The following PCDHGA4 variants were observed in gnomAD, a reference collection of about 807,000 sequenced individuals.
PCDHGA4 encodes protocadherin gamma subfamily A, 4.
In PCDHGA4, 38 loss-of-function variants were observed where a neutral mutation model predicts 54.6. The ratio of observed to expected loss-of-function variants is 0.70; its 90% confidence interval spans 0.54 to 0.91. The LOEUF is 0.91. Among genes scored for constraint, PCDHGA4 ranks in the 40% least tolerant of loss-of-function variants. The pLI is 0.00. For missense variants in PCDHGA4, 1,298 were observed against 1,220.9 expected (o/e 1.06, Z -0.94); for synonymous variants, 511 against 512.9 (o/e 1.00, Z 0.05).
chr5:141,380,851 A>G (rs1341551183), intron 1 of PCDHGA4, among the ~76,000 whole-genome samples: 1 of 152,282 alleles, frequency 6.6e-6, no homozygotes, highest in Admixed American at 6.5e-5. Flanking sequence ...ATGGATCAAG[A>G]CATTGAGAGC....
At chr5:141,395,498 C>T (rs1055094075) in intron 1 of PCDHGA4, 1 of 484,580 alleles carries the variant, frequency 2.1e-6, no homozygotes, top group Non-Finnish European at 3.6e-6. Context: ...CACTCATTCA[C>T]TTAAGAAGTA....
intron 2 of PCDHGA4, among the ~76,000 whole-genome samples, chr5:141,499,384 A>G (rs2099791576): frequency 6.6e-6 from 1 of 152,200 alleles, no homozygotes. Context: ...TTTTCCACTT[A>G]TAAAATAGTA....
At position 141,355,236 on chromosome 5, in the gene PCDHGA4, G is replaced by A. The variant is rs758078780; in HGVS notation, c.129G>A (p.Arg43=). 4.3e-6 allele frequency: 7 copies of A among 1,612,186 alleles called. No homozygotes were observed. Among genetic ancestry groups the A allele is most frequent in the African/African-American group, 2.7e-5 (2 of 74,898 alleles). The change falls in exon 1 of 4, where the codon CGG becomes CGA. Residue 43 remains arginine (R), a synonymous_variant. Transcript: ENST00000571252. ...CTCCTGCTCGCCCAGACCACACCCG[G>A]CTGCTCCAGATCTGCCTTCTCCTGG... ...AAPPARPDHT[R]LLQICLLLGV... is the part of the protein sequence containing the mutation.
chr5:141,511,537 A>G lies in PCDHGA4; in HGVS notation c.*364A>G. 2 of 319,256 alleles carry G rather than the reference A, an allele frequency of 6.3e-6. No individual in the cohort carries two copies. Among genetic ancestry groups the G allele is most frequent in the South Asian group, 3.3e-5 (1 of 29,854 alleles). 19.8% of individuals were successfully genotyped at this position (319,256 alleles called of 1,614,324 possible). A position where few individuals can be genotyped will look rare whatever the true frequency, so the allele number is the denominator to read the frequency against. On this transcript the variant is annotated 3_prime_UTR_variant, in exon 4 of 4. Coordinates refer to ENST00000571252, the MANE Select transcript of PCDHGA4 (RefSeq NM_018917.4). ...TCCATCCCATGCCTCCCTCCTCCCC[A>G]CCCCACTCCAACAGTTCCTCTTTCC... is the stretch of plus-strand genomic sequence containing the variant.
At chr5:141,369,894 T>C (rs1766545420) in intron 1 of PCDHGA4, among the ~76,000 whole-genome samples, 1 of 152,332 alleles carries the variant, frequency 6.6e-6, no homozygotes, top group African/African-American at 2.4e-5. Flanking sequence ...GATATTATTA[T>C]GACCATTTTA....
Position 141,476,659 on chromosome 5 carries a change from G to C in PCDHGA4, c.2515-18148G>C. On this transcript the variant is annotated intron_variant, in intron 1 of 3. Transcript: ENST00000571252. This position sits in a 1 kb window ranked among gnomAD's most constrained non-coding sequence, Gnocchi z 7.6. ...AGCTGAGCCGAAATGAATACTTTGCGCTTCGCGTGCAGACGCGGGAGGACA... is the reference window on the plus strand; with the variant it reads ...AGCTGAGCCGAAATGAATACTTTGCCCTTCGCGTGCAGACGCGGGAGGACA... 1 of 1,614,252 alleles carries C rather than the reference G, an allele frequency of 6.2e-7. No individual in the cohort carries two copies. The highest frequency in any genetic ancestry group is 8.5e-7 in the Non-Finnish European group (1 of 1,180,048).
chr5:141,468,443 G>A (rs760789357), intron 1 of PCDHGA4: 6 of 152,124 alleles, frequency 3.9e-5, no homozygotes, highest in Non-Finnish European at 8.8e-5. Context: ...AAATGTGGGT[G>A]CAAAATTAAA....
rs2099883850 is a variant in PCDHGA4, at chr5:141,511,565, A to T, written c.*392A>T. The T allele has an allele frequency of 3.4e-6, 1 of 295,974 alleles. No homozygotes were observed. Among genetic ancestry groups the T allele is most frequent in the African/African-American group, 2.2e-5 (1 of 46,502 alleles). The allele number at this position is 295,974 out of a possible 1,614,324, so 18.3% of individuals were successfully genotyped here. The stretch of plus-strand genomic sequence containing the variant: ...CCACTCCAACAGTTCCTCTTTCCCG[A>T]GTAAGGTGGTTGGGGTGTTGAAGTA... On this transcript the variant is annotated 3_prime_UTR_variant, in exon 4 of 4. Coordinates refer to ENST00000571252, the MANE Select transcript of PCDHGA4 (RefSeq NM_018917.4).
chr5:141,400,863 T>G (rs370697957), intron 1 of PCDHGA4, among the ~76,000 whole-genome samples: 1 of 152,250 alleles, frequency 6.6e-6, no homozygotes. Context: ...TGTATGTAGA[T>G]AAACCATTAA....
chr5:141,433,642 C>A (rs1457700205), intron 1 of PCDHGA4, among the ~76,000 whole-genome samples: 2 of 152,170 alleles, frequency 1.3e-5, no homozygotes, highest in South Asian at 2.1e-4. Context: ...TTGAGACCAG[C>A]CTGACCAACA....
intron 1 of PCDHGA4, chr5:141,365,822 G>T: frequency 6.2e-7 from 1 of 1,613,908 alleles, no homozygotes; most frequent in Non-Finnish European, 8.5e-7. Flanking sequence ...CACATTTCAG[G>T]GGGCGCCCTT....
rs758417744 is a variant in PCDHGA4, at chr5:141,430,916, G to A, written c.2515-63891G>A. On this transcript the variant is annotated intron_variant, in intron 1 of 3. Coordinates refer to ENST00000571252, the MANE Select transcript of PCDHGA4 (RefSeq NM_018917.4). ...GGTGGGCGACATCTCCAGGGACCTG[G>A]GGCTGGAGCCCCGGGAGCTCGCGGA... The A allele has an allele frequency of 1.9e-6, 3 of 1,607,878 alleles. No individual in the cohort carries two copies. The East Asian group carries it at 6.7e-5, about 36-fold the overall frequency.
At chr5:141,427,006 G>C (rs1288837425) in intron 1 of PCDHGA4, 3 of 456,792 alleles carry the variant, frequency 6.6e-6, no homozygotes, top group South Asian at 3.1e-5. Flanking sequence ...CCAGTTTTTA[G>C]CCAGGATGTA....
At chr5:141,361,454 T>G (rs780424534) in intron 1 of PCDHGA4, 1 of 1,614,026 alleles carries the variant, frequency 6.2e-7, no homozygotes, top group Non-Finnish European at 8.5e-7. Context: ...ATTGTCACCC[T>G]GCACATCTCC....
intron 1 of PCDHGA4, among the ~76,000 whole-genome samples, chr5:141,468,914 G>A (rs563780068): frequency 2.6e-5 from 4 of 151,700 alleles, no homozygotes; most frequent in Admixed American, 2.6e-4. Context: ...CAGACTAGAA[G>A]AGAATAGCAC....
At chr5:141,409,920 C>G in intron 1 of PCDHGA4, 1 of 1,613,400 alleles carries the variant, frequency 6.2e-7, no homozygotes, top group Non-Finnish European at 8.5e-7. Flanking sequence ...GACGGCTCCG[C>G]GTTCTTCGAT....
Position 141,476,441 on chromosome 5 carries a change from GAGTTGGT to G in PCDHGA4, c.2515-18362_2515-18356del. 3 of 1,614,160 alleles carry G rather than the reference GAGTTGGT, an allele frequency of 1.9e-6. No homozygotes were observed. The South Asian group carries it at 3.3e-5, about 18-fold the overall frequency. ...ACTGCCCTCTTGCACTGTAACTCTG[GAGTTGGT>G]AGTGGAGAACCCGCTGGAGCTGTTC... On this transcript the variant is annotated intron_variant, in intron 1 of 3. Transcript: ENST00000571252. The surrounding 1 kb of genome is among the most constrained non-coding windows in gnomAD (Gnocchi z 7.6).
intron 1 of PCDHGA4, among the ~76,000 whole-genome samples, chr5:141,402,432 TA>T (rs1325787840): frequency 6.6e-6 from 1 of 152,042 alleles, no homozygotes; most frequent in Non-Finnish European, 1.5e-5. Flanking sequence ...TGAAGCATCA[TA>T]AAAAGGAAAT....
chr5:141,434,981 T>C (rs2097734526), intron 1 of PCDHGA4, among the ~76,000 whole-genome samples: 1 of 152,054 alleles, frequency 6.6e-6, no homozygotes. Flanking sequence ...GTTAATACTC[T>C]ATATCATTTT....
Sources: gnomAD v4.1 joint callset for allele counts (sites outside exome capture counted in the v4.1 genomes callset) on GRCh38, gnomAD v4.1.1 for gene constraint, Gnocchi (gnomAD v3.1) non-coding constraint, MANE v1.5 for transcripts, NCBI Gene and HGNC (gene_info 2026-07-23, HGNC 2026-07-21) for gene names.